ACBD6: variants seen among roughly 807,000 people sequenced by gnomAD.
The protein encoded by ACBD6 is acyl-CoA-binding domain-containing protein 6.
Under a neutral mutation model 37.2 loss-of-function variants are expected in ACBD6, and 28 were observed. The ratio of observed to expected loss-of-function variants is 0.75; its 90% confidence interval spans 0.56 to 1.03. The LOEUF is 1.03. Among genes scored for constraint, ACBD6 ranks in the 50% least tolerant of loss-of-function variants. The probability of loss-of-function intolerance (pLI) is 0.00; values close to 1 mark genes in which losing one functional copy is unlikely to be tolerated. For synonymous variants in ACBD6, 113 were observed against 126.8 expected (o/e 0.89, Z 0.73); for missense variants, 340 against 337.4 (o/e 1.01, Z -0.06).
chr1:180,424,245 T>A (rs1219915495), intron 4 of ACBD6, among the ~76,000 whole-genome samples: 1 of 152,058 alleles, frequency 6.6e-6, no homozygotes, highest in Non-Finnish European at 1.5e-5. Context: ...AGAATATTAA[T>A]AGCATCTATA....
chr1:180,274,128 C>T, intron 10 of ACBD6: 1 of 1,603,142 alleles, frequency 6.2e-7, no homozygotes, highest in African/African-American at 1.3e-5. Context: ...TTGTGAAGAG[C>T]AGGGGACCAT....
Position 180,488,504 on chromosome 1 carries a change from T to C in ACBD6, c.384+3765A>G, listed in dbSNP as rs1028579958. 7.2e-5 allele frequency among the ~76,000 whole-genome samples: 11 copies of C among 152,248 alleles called. 1 individual carries two copies. The highest frequency in any genetic ancestry group is 2.2e-4 in the African/African-American group (9 of 41,542). On this transcript the variant is annotated intron_variant, in intron 3 of 7. Coordinates refer to ENST00000367595, the MANE Select transcript of ACBD6 (RefSeq NM_032360.4). ...TTTCCAATATCAGCTGTAGAACAGA[T>C]AGCAGAGTGGTTAACAACAGGGCTC...
intron 3 of ACBD6, among the ~76,000 whole-genome samples, chr1:180,471,732 T>C (rs1190955843): frequency 6.6e-6 from 1 of 152,044 alleles, no homozygotes; most frequent in Non-Finnish European, 1.5e-5. Flanking sequence ...CCACAACACA[T>C]GGGAATTCTG....
intron 3 of ACBD6, among the ~76,000 whole-genome samples, chr1:180,481,427 T>A (rs1339281397): frequency 6.6e-6 from 1 of 152,220 alleles, no homozygotes; most frequent in African/African-American, 2.4e-5. Context: ...AAAAAAATAC[T>A]TAATCATGCA....
chr1:180,410,642 C>T (rs1647815943), intron 5 of ACBD6, among the ~76,000 whole-genome samples: 1 of 151,838 alleles, frequency 6.6e-6, no homozygotes, highest in South Asian at 2.1e-4. Context: ...TTTAAGCCTA[C>T]TGTTGATACC....
chr1:180,427,803 C>G (rs1648647639), intron 4 of ACBD6, among the ~76,000 whole-genome samples: 1 of 151,860 alleles, frequency 6.6e-6, no homozygotes, highest in Non-Finnish European at 1.5e-5. Context: ...GCCTGTAGTT[C>G]CAGCTACTCA....
exon 11 of ACBD6, chr1:180,274,075 C>T (rs1337045111): frequency 7.2e-7 from 1 of 1,386,884 alleles, no homozygotes; most frequent in African/African-American, 1.4e-5. Context: ...TGCAAGGCAG[C>T]TGCCATCCTT....
At chr1:180,368,063 G>C (rs778380457) in intron 6 of ACBD6, among the ~76,000 whole-genome samples, 2 of 152,106 alleles carry the variant, frequency 1.3e-5, no homozygotes, top group Admixed American at 1.3e-4. Flanking sequence ...GTTATTTTTT[G>C]ACTTTTTAAT....
At chr1:180,489,972 A>G (rs1249886160) in intron 3 of ACBD6, among the ~76,000 whole-genome samples, 4 of 152,192 alleles carry the variant, frequency 2.6e-5, no homozygotes, top group Non-Finnish European at 4.4e-5. Flanking sequence ...AAGCATTTTA[A>G]GAGTAATAGT....
At chr1:180,448,687 A>G (rs1488459641) in intron 3 of ACBD6, among the ~76,000 whole-genome samples, 2 of 152,230 alleles carry the variant, frequency 1.3e-5, no homozygotes, top group African/African-American at 2.4e-5. Context: ...ATTGAAGTGC[A>G]TAAAAACCCC....
chr1:180,384,121 T>C (rs190684940), intron 6 of ACBD6, among the ~76,000 whole-genome samples: 134 of 148,816 alleles, frequency 9.0e-4, no homozygotes, highest in Non-Finnish European at 1.5e-3. Flanking sequence ...GCTAAGACTT[T>C]GAAAGCAGAG....
At chr1:180,412,548 G>A (rs1309508112) in intron 5 of ACBD6, among the ~76,000 whole-genome samples, 1 of 152,084 alleles carries the variant, frequency 6.6e-6, no homozygotes, top group Non-Finnish European at 1.5e-5. Context: ...TATGTGAATG[G>A]TATTATTCAC....
intron 6 of ACBD6, among the ~76,000 whole-genome samples, chr1:180,353,982 T>C (rs1652522539): frequency 6.6e-6 from 1 of 152,226 alleles, no homozygotes; most frequent in Non-Finnish European, 1.5e-5. Flanking sequence ...TACTACCAAA[T>C]GCTTTCGTAT....
At chr1:180,369,821 G>C (rs1347689739) in intron 6 of ACBD6, among the ~76,000 whole-genome samples, 1 of 152,100 alleles carries the variant, frequency 6.6e-6, no homozygotes, top group Non-Finnish European at 1.5e-5. Context: ...ACTCAAGAAT[G>C]TCTATCTGAT....
At chr1:180,375,357 T>C (rs1386285650) in intron 6 of ACBD6, among the ~76,000 whole-genome samples, 1 of 151,788 alleles carries the variant, frequency 6.6e-6, no homozygotes, top group Non-Finnish European at 1.5e-5. Flanking sequence ...TGAGACAAGG[T>C]CTCTGTCACC....
intron 6 of ACBD6, among the ~76,000 whole-genome samples, chr1:180,359,541 C>T (rs1652768192): frequency 6.6e-6 from 1 of 152,092 alleles, no homozygotes; most frequent in Non-Finnish European, 1.5e-5. Flanking sequence ...ATGGAATTTA[C>T]TTGGATTGAT....
At chr1:180,457,436 C>T (rs1400448684) in intron 3 of ACBD6, among the ~76,000 whole-genome samples, 1 of 152,138 alleles carries the variant, frequency 6.6e-6, no homozygotes, top group Admixed American at 6.5e-5. Flanking sequence ...GATAGTCCTA[C>T]GGGGAGAAAC....
chr1:180,404,661 T>C (rs1187792955), intron 5 of ACBD6, among the ~76,000 whole-genome samples: 7 of 152,172 alleles, frequency 4.6e-5, no homozygotes, highest in Non-Finnish European at 1.0e-4. Context: ...TTTCACTATG[T>C]TGGCCAGGCT....
At chr1:180,312,995 C>T (rs550120255) in intron 7 of ACBD6, among the ~76,000 whole-genome samples, 6 of 152,264 alleles carry the variant, frequency 3.9e-5, no homozygotes, top group African/African-American at 1.2e-4. Context: ...TGTTGAACAT[C>T]CTCAAATGCT....
Sources: gnomAD v4.1 joint callset for allele counts (sites outside exome capture counted in the v4.1 genomes callset) on GRCh38, gnomAD v4.1.1 for gene constraint, MANE v1.5 for transcripts, NCBI Gene and HGNC (gene_info 2026-07-23, HGNC 2026-07-21) for gene names.